The following GORASP1 variants were observed in gnomAD, a reference collection of about 807,000 sequenced individuals.
The protein encoded by GORASP1 is Golgi reassembly-stacking protein 1.
Under a neutral mutation model 37.7 loss-of-function variants are expected in GORASP1, and 31 were observed. The ratio of observed to expected loss-of-function variants is 0.82; its 90% CI spans 0.62 to 1.11. The LOEUF (loss-of-function observed/expected upper bound fraction) is 1.11, where lower values mean the gene tolerates loss of function less well. GORASP1 is among the 50% of genes least tolerant of loss of function. GORASP1 has a pLI of 0.00. For synonymous variants in GORASP1, 204 were observed against 224.8 expected, an observed-to-expected ratio of 0.91 and a Z score of 0.83; for missense variants, 476 against 560.7, an observed-to-expected ratio of 0.85 and a Z score of 1.53.
chr3:39,103,865 G>A lies in GORASP1; in HGVS notation c.64-312C>T, dbSNP rs961244806. On this transcript the variant is annotated intron_variant, in intron 1 of 8. Coordinates refer to ENST00000319283, the MANE Select transcript of GORASP1 (RefSeq NM_031899.4). This position sits in a 1 kb window ranked among gnomAD's most constrained non-coding sequence, Gnocchi z 5.2. ...GAGACAGGCTGGCCCAGGCCTGTGG[G>A]AATGCTGCTCTAGAGGGCTAGGCTA... 3.3e-6 allele frequency: 1 copy of A among 306,482 alleles called. No individual in the cohort carries two copies. Among genetic ancestry groups the A allele is most frequent in the Non-Finnish European group, 6.0e-6 (1 of 165,662 alleles). 19.0% of individuals were successfully genotyped at this position (306,482 alleles called of 1,614,324 possible). A position where few individuals can be genotyped will look rare whatever the true frequency, so the allele number is the denominator to read the frequency against.
chr3:39,103,171 C>T lies in GORASP1; in HGVS notation c.145-290G>A. 1.7e-6 allele frequency: 1 copy of T among 592,186 alleles called. No homozygotes were observed. The highest frequency in any genetic ancestry group is 2.0e-5 in the South Asian group (1 of 49,080). 36.7% of individuals were successfully genotyped at this position (592,186 alleles called of 1,614,324 possible). ...TCCACAGCATTCCAGTGCTGCCCCA[C>T]TCTGAGCTGCCCCTTGGCCAGGGCC... On this transcript the variant is annotated intron_variant, in intron 2 of 8. Coordinates refer to ENST00000319283, the MANE Select transcript of GORASP1 (RefSeq NM_031899.4). This position sits in a 1 kb window ranked among gnomAD's most constrained non-coding sequence, Gnocchi z 5.2.
rs1337623256 is a variant in GORASP1, at chr3:39,097,985, A to C, written c.*251T>G. The C allele has an allele frequency of 5.6e-6, 3 of 532,776 alleles. No individual in the cohort carries two copies. The highest frequency in any genetic ancestry group is 6.7e-5 in the Admixed American group (2 of 29,752). 33.0% of individuals were successfully genotyped at this position (532,776 alleles called of 1,614,324 possible). On this transcript the variant is annotated 3_prime_UTR_variant, in exon 9 of 9. Transcript: ENST00000319283. ...CCTTCCTTCCTCACCTCATCTTCAC[A>C]CTGGATTATGACCAGACCCTGCTGC...
Position 39,098,802 on chromosome 3 carries a change from T to C in GORASP1, c.1008A>G (p.Thr336=). The part of the protein sequence containing the change: ...SLPSSTELTT[T]AVSTSGPEDI... ...CCTCTGGCCCTGAGGTTGAGACAGC[T>C]GTGGTGGTCAGTTCTGTGGAAGAGG... Residue 336 remains threonine, a synonymous_variant, in exon 8 of 9, where the codon ACA becomes ACG. Transcript: ENST00000319283. This position sits in a 1 kb window ranked among gnomAD's most constrained non-coding sequence, Gnocchi z 4.7. 6.2e-7 allele frequency: 1 copy of C among 1,614,174 alleles called. No individual in the cohort carries two copies. Among genetic ancestry groups the C allele is most frequent in the Non-Finnish European group, 8.5e-7 (1 of 1,180,000 alleles).
intron 1 of GORASP1, chr3:39,106,972 C>CG (rs966836475): frequency 2.4e-6 from 1 of 423,780 alleles, no homozygotes; most frequent in Non-Finnish European, 4.8e-6. Context: ...CCTCTACCCT[C>CG]GGAAGCCCTT....
intron 7 of GORASP1, chr3:39,099,100 G>A: frequency 2.5e-6 from 2 of 794,136 alleles, no homozygotes; most frequent in East Asian, 5.3e-5. Context: ...TGGTCATCAT[G>A]TGAATAGCAC....
chr3:39,103,041 G>T lies in GORASP1; in HGVS notation c.145-160C>A, dbSNP rs1281582018. 2 of 695,944 alleles carry T rather than the reference G, an allele frequency of 2.9e-6. No individual in the cohort carries two copies. Among genetic ancestry groups the T allele is most frequent in the East Asian group, 2.6e-5 (1 of 38,652 alleles). The allele number at this position is 695,944 out of a possible 1,614,324, so 43.1% of individuals were successfully genotyped here. A position where few individuals can be genotyped will look rare whatever the true frequency, so the allele number is the denominator to read the frequency against. Reference sequence around the variant, plus strand: ...AGGTAGTGGATGGGCCAGGTTCACAGACCAGGGTTGAGCCTGCAGCCACTG... The same window carrying T: ...AGGTAGTGGATGGGCCAGGTTCACATACCAGGGTTGAGCCTGCAGCCACTG... On this transcript the variant is annotated intron_variant, in intron 2 of 8. Coordinates refer to ENST00000319283, the MANE Select transcript of GORASP1 (RefSeq NM_031899.4). This position sits in a 1 kb window ranked among gnomAD's most constrained non-coding sequence, Gnocchi z 5.2.
At chr3:39,099,562 T>G (rs1199400951) in intron 6 of GORASP1, 59 bp from the exon 7 acceptor site, 1 of 1,551,364 alleles carries the variant, frequency 6.4e-7, no homozygotes, top group Non-Finnish European at 8.8e-7. Flanking sequence ...AGGTGAAGAA[T>G]TTTGCAGTCC....
chr3:39,103,729 G>A lies in GORASP1; in HGVS notation c.64-176C>T. 2.1e-6 allele frequency: 1 copy of A among 486,786 alleles called. No individual in the cohort carries two copies. The highest frequency in any genetic ancestry group is 3.6e-6 in the Non-Finnish European group (1 of 276,748). 30.2% of individuals were successfully genotyped at this position (486,786 alleles called of 1,614,324 possible). A position where few individuals can be genotyped will look rare whatever the true frequency, so the allele number is the denominator to read the frequency against. Reference sequence around the variant, plus strand: ...CCATGGCCTCTTGCTACCTTCCTGGGCACAAATTTTCCTCTTAGGAAAATG... The same window carrying A: ...CCATGGCCTCTTGCTACCTTCCTGGACACAAATTTTCCTCTTAGGAAAATG... On this transcript the variant is annotated intron_variant, in intron 1 of 8. Coordinates refer to ENST00000319283, the MANE Select transcript of GORASP1 (RefSeq NM_031899.4). This position sits in a 1 kb window ranked among gnomAD's most constrained non-coding sequence, Gnocchi z 5.2.
chr3:39,103,745 T>C lies in GORASP1; in HGVS notation c.64-192A>G. ...CCTTCCTGGGCACAAATTTTCCTCT[T>C]AGGAAAATGGCTCCTTCCTGATTAT... On this transcript the variant is annotated intron_variant, in intron 1 of 8. Coordinates refer to ENST00000319283, the MANE Select transcript of GORASP1 (RefSeq NM_031899.4). This position sits in a 1 kb window ranked among gnomAD's most constrained non-coding sequence, Gnocchi z 5.2. 1 of 498,528 alleles carries C rather than the reference T, an allele frequency of 2.0e-6. No homozygotes were observed. Among genetic ancestry groups the C allele is most frequent in the South Asian group, 3.1e-5 (1 of 32,416 alleles). 30.9% of individuals were successfully genotyped at this position (498,528 alleles called of 1,614,324 possible).
Position 39,099,394 on chromosome 3 carries a change from G to A in GORASP1, c.875C>T (p.Pro292Leu), listed in dbSNP as rs2035552623. 1 of 1,613,514 alleles carries A rather than the reference G, an allele frequency of 6.2e-7. No homozygotes were observed. The highest frequency in any genetic ancestry group is 8.5e-7 in the Non-Finnish European group (1 of 1,179,844). The change falls in exon 7 of 9, where the codon CCT becomes CTT. Residue 292 changes from proline to leucine, a missense_variant. Transcript: ENST00000319283. ...CTGCACTGGAGGTGGGGGCTGAAGA[G>A]GAGTCTCCATGAAATGGGGAAGTCC... ...PDGLPHFMET[P>L]LQPPPPVQRV...
rs2035474029 is a variant in GORASP1 at position 39,098,481 on chromosome 3, T to C, written c.1078A>G (p.Thr360Ala). Residue 360 changes from threonine (T) to alanine (A), a missense_variant, in exon 9 of 9, where the codon ACA (threonine) becomes GCA (alanine). Thr to Ala is a moderately conservative substitution (Grantham distance 58). Coordinates refer to ENST00000319283, the MANE Select transcript of GORASP1 (RefSeq NM_031899.4). The surrounding 1 kb of genome is among the most constrained non-coding windows in gnomAD (Gnocchi z 4.7). The part of the protein sequence containing the change: ...SSSHERGGEA[T>A]WSGSEFEVSF... ...ACCTCAAACTCTGACCCAGACCATG[T>C]AGCCTCACCTGCAACACAGAAGATC... is the stretch of plus-strand genomic sequence containing the variant. 3.7e-6 allele frequency: 6 copies of C among 1,613,022 alleles called. No individual in the cohort carries two copies. Among genetic ancestry groups the C allele is most frequent in the East Asian group, 4.5e-5 (2 of 44,874 alleles).
intron 3 of GORASP1, chr3:39,101,464 G>A: frequency 2.0e-6 from 1 of 490,264 alleles, no homozygotes; most frequent in Non-Finnish European, 4.0e-6. Context: ...TAATGATAGG[G>A]TTGCTGAGAA....
rs962231951 is a variant in GORASP1, at chr3:39,102,649, C to T, written c.348+29G>A. 6.2e-7 allele frequency: 1 copy of T among 1,612,004 alleles called. No homozygotes were observed. The highest frequency in any genetic ancestry group is 8.5e-7 in the Non-Finnish European group (1 of 1,178,290). On this transcript the variant is annotated intron_variant, in intron 3 of 8. Coordinates refer to ENST00000319283, the MANE Select transcript of GORASP1 (RefSeq NM_031899.4). The surrounding 1 kb of genome is among the most constrained non-coding windows in gnomAD (Gnocchi z 5.0). The stretch of plus-strand genomic sequence containing the variant: ...CCCCAGTAAACTCATCCTTCCGACA[C>T]ACCCTGCCCTGCCATACCCCACACT...
chr3:39,099,438 G>A lies in GORASP1; in HGVS notation c.831C>T (p.His277=). ...DPLPGPGSPS[H]SAPDPDGLPH... is the part of the protein sequence containing the mutation. ...GAAGTCCATCAGGGTCTGGAGCACT[G>A]TGGCTGGGACTCCCAGGCCCAGGAA... Residue 277 remains histidine (H), a synonymous_variant, in exon 7 of 9, where the codon CAC becomes CAT. Coordinates refer to ENST00000319283, the MANE Select transcript of GORASP1 (RefSeq NM_031899.4). The A allele has an allele frequency of 1.9e-6, 3 of 1,612,274 alleles. No individual in the cohort carries two copies. Among genetic ancestry groups the A allele is most frequent in the Non-Finnish European group, 2.5e-6 (3 of 1,179,270 alleles).
Position 39,107,596 on chromosome 3 carries a change from A to T in GORASP1, c.-55T>A, listed in dbSNP as rs2036299010. 6.9e-7 allele frequency: 1 copy of T among 1,450,450 alleles called. No individual in the cohort carries two copies. Among genetic ancestry groups the T allele is most frequent in the Non-Finnish European group, 9.1e-7 (1 of 1,095,062 alleles). 89.8% of individuals were successfully genotyped at this position (1,450,450 alleles called of 1,614,324 possible). ...AGTCCCGCTGCGCCTACCCGGACCG[A>T]CCCGACGCCAGTAGCACCGACTCGC... On this transcript the variant is annotated 5_prime_UTR_variant, in exon 1 of 9. Coordinates refer to ENST00000319283, the MANE Select transcript of GORASP1 (RefSeq NM_031899.4).
At chr3:39,104,697 T>A (rs568980515) in intron 1 of GORASP1, among the ~76,000 whole-genome samples, 1 of 152,316 alleles carries the variant, frequency 6.6e-6, no homozygotes, top group African/African-American at 2.4e-5. Flanking sequence ...AGTTTGCCCC[T>A]GGAATTAGGA....
Position 39,098,608 on chromosome 3 carries a change from T to C in GORASP1, c.1070-119A>G, listed in dbSNP as rs2035488613. On this transcript the variant is annotated intron_variant, in intron 8 of 8. Transcript: ENST00000319283. The surrounding 1 kb of genome is among the most constrained non-coding windows in gnomAD (Gnocchi z 4.7). ...TCCAGGTTTGATGGGGGATTGGAGA[T>C]GGAGTGTACAAATGCCTTGGTGTGG... The C allele has an allele frequency of 6.7e-7, 1 of 1,499,336 alleles. No homozygotes were observed. Among genetic ancestry groups the C allele is most frequent in the Non-Finnish European group, 9.0e-7 (1 of 1,108,944 alleles). The allele number at this position is 1,499,336 out of a possible 1,614,324, so 92.9% of individuals were successfully genotyped here.
rs1260819431 is a variant in GORASP1 at position 39,100,330 on chromosome 3, C to G, written c.740G>C (p.Gly247Ala). ...TPEDSPSLETGSRQSDYMEAL... is the reference protein window; with the variant it reads ...TPEDSPSLETASRQSDYMEAL... ...CTCCATGTAGTCACTCTGCCTGGAA[C>G]CTGTCTCCAGGGAAGGAGAGTCCTC... Residue 247 changes from glycine (G) to alanine (A), a missense_variant, in exon 6 of 9, where the codon GGT (glycine) becomes GCT (alanine). Gly to Ala is a moderately conservative substitution (Grantham distance 60). Transcript: ENST00000319283. The surrounding 1 kb of genome is among the most constrained non-coding windows in gnomAD (Gnocchi z 4.6). 3 of 1,614,164 alleles carry G rather than the reference C, an allele frequency of 1.9e-6. No homozygotes were observed. The highest frequency in any genetic ancestry group is 1.7e-6 in the Non-Finnish European group (2 of 1,180,006).
Position 39,102,958 on chromosome 3 carries a change from T to A in GORASP1, c.145-77A>T. ...CCCTCAGACAAGTCTGGGCCTGAGA[T>A]GGGGCAAGGGCCTTAGTGGGCAGCA... On this transcript the variant is annotated intron_variant, in intron 2 of 8. Coordinates refer to ENST00000319283, the MANE Select transcript of GORASP1 (RefSeq NM_031899.4). This position sits in a 1 kb window ranked among gnomAD's most constrained non-coding sequence, Gnocchi z 5.0. 1 of 1,373,414 alleles carries A rather than the reference T, an allele frequency of 7.3e-7. No individual in the cohort carries two copies. Among genetic ancestry groups the A allele is most frequent in the Non-Finnish European group, 1.0e-6 (1 of 961,232 alleles). 85.1% of individuals were successfully genotyped at this position (1,373,414 alleles called of 1,614,324 possible).
Sources: gnomAD v4.1 joint callset for allele counts (sites outside exome capture counted in the v4.1 genomes callset) on GRCh38, gnomAD v4.1.1 for gene constraint, Gnocchi (gnomAD v3.1) non-coding constraint, MANE v1.5 for transcripts, NCBI Gene and HGNC (gene_info 2026-07-23, HGNC 2026-07-21) for gene names.